DYM: variants seen among roughly 807,000 people sequenced by gnomAD.
The protein encoded by DYM is dymeclin, also known as dyggve-Melchior-Clausen syndrome protein.
Under a neutral mutation model 93.1 loss-of-function variants are expected in DYM, and 78 were observed. That is an observed-to-expected ratio of 0.84 (90% CI 0.70 to 1.01). The LOEUF is 1.01. DYM is among the 50% of genes least tolerant of loss of function. The probability of loss-of-function intolerance (pLI) is 0.00; values close to 1 mark genes in which losing one functional copy is unlikely to be tolerated. For missense variants in DYM, 789 were observed against 845.0 expected, an observed-to-expected ratio of 0.93 and a Z score of 0.82; for synonymous variants, 321 against 319.7, an observed-to-expected ratio of 1.00 and a Z score of -0.04.
At chr18:49,420,774 G>A (rs1003684579) in intron 2 of DYM, among the ~76,000 whole-genome samples, 11 of 152,078 alleles carry the variant, frequency 7.2e-5, no homozygotes, top group Admixed American at 2.0e-4. Flanking sequence ...AAGGGAAGCC[G>A]TGACAGACAG....
At chr18:49,148,926 T>C (rs1179734359) in intron 15 of DYM, among the ~76,000 whole-genome samples, 1 of 152,212 alleles carries the variant, frequency 6.6e-6, no homozygotes, top group Non-Finnish European at 1.5e-5. Flanking sequence ...ATTACATTTA[T>C]TGTGCACTTT....
At chr18:49,309,542 A>G (rs1002310951) in intron 8 of DYM, among the ~76,000 whole-genome samples, 30 of 152,170 alleles carry the variant, frequency 2.0e-4, no homozygotes, top group African/African-American at 7.2e-4. Context: ...GGCTGAAGCA[A>G]GAAGATAGCT....
At chr18:49,318,389 G>A (rs2062174933) in intron 8 of DYM, among the ~76,000 whole-genome samples, 1 of 152,230 alleles carries the variant, frequency 6.6e-6, no homozygotes, top group Admixed American at 6.5e-5. Flanking sequence ...GGAGGCCAAG[G>A]CAGGCAGCTC....
chr18:49,156,592 C>T (rs952962385), intron 15 of DYM, among the ~76,000 whole-genome samples: 6 of 151,716 alleles, frequency 4.0e-5, no homozygotes, highest in South Asian at 2.1e-4. Flanking sequence ...ATGAGTAGGG[C>T]GTGGTGGTGC....
At chr18:49,397,326 A>G (rs2070228297) in intron 2 of DYM, among the ~76,000 whole-genome samples, 1 of 152,224 alleles carries the variant, frequency 6.6e-6, no homozygotes, top group African/African-American at 2.4e-5. Flanking sequence ...ACACTTTCAA[A>G]TATATTGGTG....
chr18:49,187,217 C>T (rs987467143), intron 14 of DYM, among the ~76,000 whole-genome samples: 2 of 152,112 alleles, frequency 1.3e-5, no homozygotes, highest in South Asian at 2.1e-4. Flanking sequence ...TGCGCCCGGC[C>T]GCTGCTGGTA....
chr18:49,418,259 C>T (rs2073228119), intron 2 of DYM, among the ~76,000 whole-genome samples: 1 of 151,760 alleles, frequency 6.6e-6, no homozygotes, highest in South Asian at 2.1e-4. Flanking sequence ...TGCCTATGAA[C>T]CAAAAAATAA....
intron 11 of DYM, among the ~76,000 whole-genome samples, chr18:49,261,257 C>T (rs2094485003): frequency 6.6e-6 from 1 of 152,218 alleles, no homozygotes. Flanking sequence ...GGCCCCACAT[C>T]ACCCAGCATC....
At chr18:49,419,278 G>A (rs1348647156) in intron 2 of DYM, among the ~76,000 whole-genome samples, 1 of 152,078 alleles carries the variant, frequency 6.6e-6, no homozygotes, top group Non-Finnish European at 1.5e-5. Flanking sequence ...GGAATTGCTT[G>A]AACCTGGGAG....
At position 49,070,695 on chromosome 18, in the gene DYM, C is replaced by T. The variant is rs577257902; in HGVS notation, c.2026-26491G>A. On this transcript the variant is annotated intron_variant, in intron 17 of 17. Transcript: ENST00000675505. ...AACAGTAAGGTTCTTTAAGGGACAA[C>T]CACTAGCAGAGTGCTGTGCAGGCAG... Among the ~76,000 whole-genome samples the T allele has an allele frequency of 3.3e-4, 50 of 152,284 alleles. 1 individual carries two copies. Among genetic ancestry groups the T allele is most frequent in the Admixed American group, 1.3e-4 (2 of 15,312 alleles).
chr18:49,132,547 A>G (rs1210578177), intron 15 of DYM, among the ~76,000 whole-genome samples: 3 of 152,166 alleles, frequency 2.0e-5, no homozygotes, highest in Non-Finnish European at 2.9e-5. Context: ...ATATATAATT[A>G]CTATGCCATT....
At chr18:49,330,504 C>G (rs573049990) in intron 8 of DYM, among the ~76,000 whole-genome samples, 1 of 152,036 alleles carries the variant, frequency 6.6e-6, no homozygotes, top group East Asian at 1.9e-4. Flanking sequence ...TACTGGGTTC[C>G]CTTTGATATG....
intron 14 of DYM, among the ~76,000 whole-genome samples, chr18:49,206,786 G>A (rs2092535408): frequency 1.3e-5 from 2 of 152,124 alleles, no homozygotes; most frequent in African/African-American, 4.8e-5. Context: ...GCCTCAGGAG[G>A]GCTTGATATT....
intron 17 of DYM, among the ~76,000 whole-genome samples, chr18:49,083,284 G>A (rs566855214): frequency 1.3e-5 from 2 of 152,288 alleles, no homozygotes; most frequent in African/African-American, 4.8e-5. Flanking sequence ...TTGTCCTTTA[G>A]TCTACTAATA....
chr18:49,440,200 A>T (rs972481222), intron 1 of DYM, among the ~76,000 whole-genome samples: 2 of 143,514 alleles, frequency 1.4e-5, no homozygotes, highest in Admixed American at 1.4e-4. Context: ...AATCCATGAT[A>T]ACCAAATTCT....
intron 8 of DYM, among the ~76,000 whole-genome samples, chr18:49,322,086 G>A (rs2062526072): frequency 6.6e-6 from 1 of 152,046 alleles, no homozygotes. Context: ...ACAGAAATTA[G>A]GAATATGAGT....
At chr18:49,121,133 A>G (rs1027940359) in intron 15 of DYM, among the ~76,000 whole-genome samples, 1 of 152,254 alleles carries the variant, frequency 6.6e-6, no homozygotes, top group Non-Finnish European at 1.5e-5. Flanking sequence ...GGGAATATAA[A>G]AGAACTGTGA....
At chr18:49,210,987 A>G (rs995214939) in intron 13 of DYM, among the ~76,000 whole-genome samples, 1 of 152,346 alleles carries the variant, frequency 6.6e-6, no homozygotes, top group African/African-American at 2.4e-5. Flanking sequence ...TATTAGGAAT[A>G]TGTTCCTGGC....
At chr18:49,395,570 G>C (rs2069960416) in intron 2 of DYM, among the ~76,000 whole-genome samples, 1 of 151,796 alleles carries the variant, frequency 6.6e-6, no homozygotes, top group African/African-American at 2.4e-5. Context: ...CAGAGGTTGT[G>C]GTGAGCCAAG....
Sources: allele counts gnomAD v4.1 joint callset (sites outside exome capture counted in the v4.1 genomes callset), GRCh38; gene constraint gnomAD v4.1.1; transcripts MANE v1.5; gene names NCBI Gene and HGNC (gene_info 2026-07-23, HGNC 2026-07-21).